The following ZFHX3 variants were observed in gnomAD, a reference collection of about 807,000 sequenced individuals.
ZFHX3 encodes the protein zinc finger homeobox protein 3.
ZFHX3 carries 42 observed loss-of-function variants against 279.1 expected under a neutral mutation model. The observed-to-expected ratio is 0.15, with a 90% CI of 0.12 to 0.19. The LOEUF is 0.19. ZFHX3 is among the 10% of genes least tolerant of loss of function. ZFHX3 has a pLI of 1.00. For synonymous variants in ZFHX3, 2,293 were observed against 1,957.8 expected, an observed-to-expected ratio of 1.17 and a Z score of -4.52; for missense variants, 4,981 against 4,754.0, an observed-to-expected ratio of 1.05 and a Z score of -1.40.
intron 8 of ZFHX3, among the ~76,000 whole-genome samples, chr16:73,072,873 C>T (rs1469905437): frequency 1.3e-5 from 2 of 151,416 alleles, no homozygotes; most frequent in Non-Finnish European, 2.9e-5. Flanking sequence ...CCAGCGCATT[C>T]CTATTTCTTT....
At chr16:72,811,828 G>GCCCA (rs753777612) in intron 6 of ZFHX3, 51 bp from the exon 7 acceptor site, 2 of 738,680 alleles carry the variant, frequency 2.7e-6, no homozygotes, top group African/African-American at 3.7e-5. Flanking sequence ...CCCCAAGCCC[G>GCCCA]CCCACCCAAA....
rs2015540871 is a variant in ZFHX3, at chr16:73,319,966, C to A, written c.-1290-1630G>T. ...CCACTATTAAAATGATGAGAGTGAA[C>A]TCGGTTGCATTAAGGAAAGTGTGCT... On this transcript the variant is annotated intron_variant, in intron 3 of 17. Transcript: ENST00000641206. Among the ~76,000 whole-genome samples, 2 of 152,092 alleles carry A rather than the reference C, an allele frequency of 1.3e-5. 1 individual carries two copies. The highest frequency in any genetic ancestry group is 3.9e-4 in the East Asian group (2 of 5,188).
intron 1 of ZFHX3, among the ~76,000 whole-genome samples, chr16:72,981,069 T>C (rs1962578416): frequency 6.6e-6 from 1 of 152,188 alleles, no homozygotes; most frequent in Non-Finnish European, 1.5e-5. Context: ...AGCCAAGCCT[T>C]TTTTCAAAGA....
upstream of ZFHX3, among the ~76,000 whole-genome samples, chr16:73,050,165 G>A (rs1026800017): frequency 6.6e-6 from 1 of 152,196 alleles, no homozygotes; most frequent in African/African-American, 2.4e-5. Context: ...GATCCTGGTA[G>A]GCCCACAGAC....
intron 5 of ZFHX3, among the ~76,000 whole-genome samples, chr16:73,222,810 G>A (rs546965575): frequency 8.5e-5 from 13 of 152,170 alleles, no homozygotes; most frequent in Middle Eastern, 6.8e-3. Context: ...ACTAGCCAAC[G>A]TCAAGACTTA....
intron 7 of ZFHX3, among the ~76,000 whole-genome samples, chr16:73,108,060 C>T (rs1266878771): frequency 6.6e-6 from 1 of 152,136 alleles, no homozygotes; most frequent in East Asian, 1.9e-4. Flanking sequence ...ACTCGGGAGG[C>T]CGAGGCAGGA....
chr16:72,955,571 G>A (rs1961213478), intron 2 of ZFHX3, among the ~76,000 whole-genome samples: 1 of 152,160 alleles, frequency 6.6e-6, no homozygotes. Flanking sequence ...CTGAGGTCAA[G>A]GGTTTGAGAC....
intron 7 of ZFHX3, among the ~76,000 whole-genome samples, chr16:73,107,041 G>GT (rs34480254): frequency 1.3e-5 from 2 of 152,200 alleles, no homozygotes; most frequent in Non-Finnish European, 2.9e-5. Flanking sequence ...TCTAGGCTGG[G>GT]TGCAGTGCCT....
At chr16:73,092,398 A>G (rs1966094476) in intron 8 of ZFHX3, 1 of 152,694 alleles carries the variant, frequency 6.5e-6, no homozygotes, top group South Asian at 2.1e-4. Context: ...TCCCCCAGAA[A>G]ACGGAGTATT....
At chr16:73,564,686 C>T (rs903401150) in intron 2 of ZFHX3, among the ~76,000 whole-genome samples, 18 of 152,248 alleles carry the variant, frequency 1.2e-4, no homozygotes, top group African/African-American at 3.9e-4. Context: ...GAACTTCCAC[C>T]GGCTCTGTTT....
At chr16:72,963,164 C>T (rs1038089657) in intron 1 of ZFHX3, among the ~76,000 whole-genome samples, 1 of 152,168 alleles carries the variant, frequency 6.6e-6, no homozygotes, top group Non-Finnish European at 1.5e-5. Context: ...TTCCAAGCAG[C>T]CCTGCCAGCC....
At chr16:73,007,567 T>C (rs1421224622) in intron 1 of ZFHX3, among the ~76,000 whole-genome samples, 1 of 152,062 alleles carries the variant, frequency 6.6e-6, no homozygotes, top group Non-Finnish European at 1.5e-5. Context: ...CTGCCTCAGC[T>C]TCCCGAGTAA....
chr16:73,155,130 G>T (rs750829496), intron 5 of ZFHX3, among the ~76,000 whole-genome samples: 3 of 145,798 alleles, frequency 2.1e-5, no homozygotes, highest in African/African-American at 7.6e-5. Context: ...CTAAGATTGG[G>T]CCATTGCACT....
chr16:73,114,938 G>A (rs566753690), intron 7 of ZFHX3, among the ~76,000 whole-genome samples: 7 of 152,188 alleles, frequency 4.6e-5, no homozygotes, highest in South Asian at 2.1e-4. Context: ...GACTACAGGC[G>A]CATGCCACCA....
In ZFHX3 at chr16:73,552,045, CAGAG is replaced by C. The variant is rs149648396; in HGVS notation, c.-1546-95791_-1546-95788del. Among the ~76,000 whole-genome samples the C allele has an allele frequency of 2.5e-3, 383 of 151,398 alleles. 1 individual carries two copies. The highest frequency in any genetic ancestry group is 8.8e-3 in the African/African-American group (363 of 41,294). On this transcript the variant is annotated intron_variant, in intron 2 of 17. Transcript: ENST00000641206. ...TGTGTGTGTGTGAGAGAGAGAGAGA[CAGAG>C]AGAGAGAGAAAGAGAGAGAAAGCAC...
upstream of ZFHX3, chr16:73,061,239 A>G (rs561908430): frequency 6.6e-6 from 1 of 152,248 alleles, no homozygotes; most frequent in East Asian, 1.9e-4. Context: ...TTATTGTAGA[A>G]GAAGGGGCTT....
At chr16:73,866,741 G>A (rs1962032271) in intron 1 of ZFHX3, among the ~76,000 whole-genome samples, 1 of 152,220 alleles carries the variant, frequency 6.6e-6, no homozygotes, top group East Asian at 1.9e-4. Context: ...CACAGGTGCA[G>A]GGAGTTTATT....
At chr16:73,403,906 A>T (rs2017307230) in intron 3 of ZFHX3, among the ~76,000 whole-genome samples, 1 of 151,990 alleles carries the variant, frequency 6.6e-6, no homozygotes, top group Admixed American at 6.6e-5. Flanking sequence ...TGCTGGTGGC[A>T]TTTGGAGTCA....
chr16:72,918,424 G>A (rs2039497426), intron 3 of ZFHX3, among the ~76,000 whole-genome samples: 1 of 152,154 alleles, frequency 6.6e-6, no homozygotes, highest in South Asian at 2.1e-4. Context: ...GGAAAAAATA[G>A]TGACATTCAA....
Sources: gnomAD v4.1 joint callset for allele counts (sites outside exome capture counted in the v4.1 genomes callset) on GRCh38, gnomAD v4.1.1 for gene constraint, MANE v1.5 for transcripts, NCBI Gene and HGNC (gene_info 2026-07-23, HGNC 2026-07-21) for gene names.